The following GCC2 variants were observed in gnomAD, a reference collection of about 807,000 sequenced individuals.
GCC2 encodes GRIP and coiled-coil domain-containing protein 2.
A neutral mutation model predicts 210.6 loss-of-function variants in GCC2; 120 were observed. The ratio of observed to expected loss-of-function variants is 0.57; its 90% CI spans 0.49 to 0.66. GCC2 has a LOEUF of 0.66. Ranked by LOEUF, GCC2 falls within the 30% of genes least tolerant of loss-of-function variation. The probability of loss-of-function intolerance (pLI) is 0.00; values close to 1 mark genes in which losing one functional copy is unlikely to be tolerated. For missense variants in GCC2, 1,868 were observed against 1,871.9 expected, an observed-to-expected ratio of 1.00 and a Z score of 0.04; for synonymous variants, 703 against 652.7, an observed-to-expected ratio of 1.08 and a Z score of -1.17.
At chr2:108,492,141 GTTT>G (rs200630743) in intron 18 of GCC2, among the ~76,000 whole-genome samples, 1 of 140,092 alleles carries the variant, frequency 7.1e-6, no homozygotes, top group Non-Finnish European at 1.6e-5. Flanking sequence ...AGAGTGTGGG[GTTT>G]TTTTTTTTTT....
At chr2:108,452,492 A>G (rs773080869) in intron 4 of GCC2, 26 bp downstream of exon 4, 3 of 1,312,504 alleles carry the variant, frequency 2.3e-6, no homozygotes, top group South Asian at 1.2e-5. Flanking sequence ...GGAAATGTCT[A>G]AAGAGAAATA....
chr2:108,457,356 T>G (rs1680327774), intron 4 of GCC2, among the ~76,000 whole-genome samples: 1 of 152,206 alleles, frequency 6.6e-6, no homozygotes, highest in Non-Finnish European at 1.5e-5. Flanking sequence ...TATGCTTGTT[T>G]ATATACCAAT....
intron 21 of GCC2, among the ~76,000 whole-genome samples, chr2:108,498,310 C>T (rs1682751234): frequency 1.4e-5 from 2 of 146,736 alleles, no homozygotes; most frequent in Admixed American, 1.4e-4. Flanking sequence ...ATTCCCCTGC[C>T]TCAGCCTCCC....
At chr2:108,477,798 C>T (rs1460663845) in intron 9 of GCC2, among the ~76,000 whole-genome samples, 1 of 152,190 alleles carries the variant, frequency 6.6e-6, no homozygotes, top group Non-Finnish European at 1.5e-5. Flanking sequence ...GTAATTCTAG[C>T]ACTTTGGGAG....
chr2:108,509,119 GT>G lies in GCC2; in HGVS notation c.*1496del, dbSNP rs1375979398. On this transcript the variant is annotated 3_prime_UTR_variant, in exon 23 of 23. Coordinates refer to ENST00000309863, the MANE Select transcript of GCC2 (RefSeq NM_181453.4). ...TTTCAGAGCTGACATGAAGAGTTTA[GT>G]TTTTTTACTTTATAAACTGTGAATA... 1 of 152,588 alleles carries G rather than the reference GT, an allele frequency of 6.6e-6. No individual in the cohort carries two copies. The highest frequency in any genetic ancestry group is 1.5e-5 in the Non-Finnish European group (1 of 68,024). 9.5% of individuals were successfully genotyped at this position (152,588 alleles called of 1,614,324 possible).
chr2:108,492,561 C>T lies in GCC2; in HGVS notation c.4230-12C>T, dbSNP rs1412291195. ...TGAAAGATCTTCTGTAACTAAGTTT[C>T]TCATCTTTCAGATTGTGTTCAATAC... On this transcript the variant is annotated splice_polypyrimidine_tract_variant and intron_variant, in intron 18 of 22. Coordinates refer to ENST00000309863, the MANE Select transcript of GCC2 (RefSeq NM_181453.4). 6.4e-7 allele frequency: 1 copy of T among 1,561,214 alleles called. No homozygotes were observed. Among genetic ancestry groups the T allele is most frequent in the South Asian group, 1.1e-5 (1 of 89,836 alleles).
At position 108,449,494 on chromosome 2, in the gene GCC2, G is replaced by A. The variant is rs376583415; in HGVS notation, c.7-139G>A. Reference sequence around the variant, plus strand: ...ACGAATTGCCACAGCGACCGCCTCCGTCCGCCCTCATTCTCTGTCTCACGA... The same window carrying A: ...ACGAATTGCCACAGCGACCGCCTCCATCCGCCCTCATTCTCTGTCTCACGA... On this transcript the variant is annotated intron_variant, in intron 1 of 22. Transcript: ENST00000309863. 5.0e-5 allele frequency: 60 copies of A among 1,188,750 alleles called. 2 individuals carry two copies. The highest frequency in any genetic ancestry group is 3.5e-4 in the East Asian group (14 of 40,418). 73.6% of individuals were successfully genotyped at this position (1,188,750 alleles called of 1,614,324 possible). A position where few individuals can be genotyped will look rare whatever the true frequency, so the allele number is the denominator to read the frequency against.
At chr2:108,494,055 A>C in intron 19 of GCC2, 1 of 557,148 alleles carries the variant, frequency 1.8e-6, no homozygotes, top group Non-Finnish European at 2.3e-6. Context: ...TCAATAAACC[A>C]ATACATGTCA....
chr2:108,505,546 G>A (rs1049036082), intron 22 of GCC2, among the ~76,000 whole-genome samples: 23 of 152,066 alleles, frequency 1.5e-4, no homozygotes, highest in African/African-American at 3.6e-4. Context: ...TCTTGCTAGC[G>A]GACTCTCTGT....
intron 4 of GCC2, among the ~76,000 whole-genome samples, chr2:108,459,175 TTG>T (rs1047170238): frequency 1.3e-5 from 2 of 152,192 alleles, no homozygotes; most frequent in Non-Finnish European, 2.9e-5. Context: ...TTTTGGTATG[TTG>T]TAGTTTCCAT....
intron 2 of GCC2, among the ~76,000 whole-genome samples, chr2:108,450,559 A>G (rs1679880382): frequency 1.3e-5 from 2 of 152,212 alleles, no homozygotes; most frequent in Non-Finnish European, 1.5e-5. Flanking sequence ...TTGCATAGCA[A>G]TTACAGAATT....
chr2:108,461,830 C>CTTTTTTTTTTTTTTTTTT (rs1313525353), intron 4 of GCC2, among the ~76,000 whole-genome samples: 5 of 124,072 alleles, frequency 4.0e-5, no homozygotes, highest in Non-Finnish European at 6.6e-5. Context: ...TTTTTTTTTT[C>CTTTTTTTTTTTTTTTTTT]TTTTTCTTTT....
rs762859026 is a variant in GCC2, at chr2:108,498,493, CA to C, written c.4783-1057del. On this transcript the variant is annotated intron_variant, in intron 21 of 22. Transcript: ENST00000309863. ...ACAGGCATGAGCCACCACGCCTGGCCAAATGTTATATTTTCATAAATTTATA... is the reference window on the plus strand; with the variant it reads ...ACAGGCATGAGCCACCACGCCTGGCCAATGTTATATTTTCATAAATTTATA... Among the ~76,000 whole-genome samples the C allele has an allele frequency of 1.4e-3, 220 of 152,122 alleles. No homozygotes were observed. The Middle Eastern group carries it at 0.031, about 21-fold the overall frequency.
Position 108,459,745 on chromosome 2 carries a change from C to CTTTTTTTTTT in GCC2, c.216+7303_216+7312dup, listed in dbSNP as rs34052393. The stretch of plus-strand genomic sequence containing the variant: ...GCCATTAGATAATGACCTTCTTTGT[C>CTTTTTTTTTT]TTTTTTTTTTTTTTTTTTTTTTTTT... On this transcript the variant is annotated intron_variant, in intron 4 of 22. Transcript: ENST00000309863. Among the ~76,000 whole-genome samples, 235 of 26,740 alleles carry CTTTTTTTTTT rather than the reference C, an allele frequency of 8.8e-3. 15 individuals are homozygous for CTTTTTTTTTT. The highest frequency in any genetic ancestry group is 9.0e-3 in the Admixed American group (12 of 1,338). 17.5% of individuals were successfully genotyped at this position (26,740 alleles called of 152,430 possible).
intron 4 of GCC2, among the ~76,000 whole-genome samples, chr2:108,457,037 G>C (rs945372675): frequency 6.6e-6 from 1 of 151,588 alleles, no homozygotes; most frequent in Non-Finnish European, 1.5e-5. Context: ...TGAGATCTTA[G>C]CCATAAAATC....
chr2:108,458,031 A>T (rs907499832), intron 4 of GCC2, among the ~76,000 whole-genome samples: 3 of 152,026 alleles, frequency 2.0e-5, no homozygotes, highest in Non-Finnish European at 4.4e-5. Flanking sequence ...GCTTTTCCCC[A>T]TTTTTGTGTG....
In GCC2 at chr2:108,492,298, AAAG is replaced by A. The variant is rs200663797; in HGVS notation, c.4230-271_4230-269del. Among the ~76,000 whole-genome samples the A allele has an allele frequency of 9.3e-3, 1,417 of 152,332 alleles. 20 individuals are homozygous for A. Among genetic ancestry groups the A allele is most frequent in the African/African-American group, 0.032 (1,328 of 41,576 alleles). ...TAATCCTATTTTCTGATGAACCATG[AAAG>A]AAGTTCCTAGTCTGGACAACACAAC... On this transcript the variant is annotated intron_variant, in intron 18 of 22. Transcript: ENST00000309863.
At chr2:108,483,544 A>G (rs1025088480) in intron 12 of GCC2, among the ~76,000 whole-genome samples, 6 of 152,106 alleles carry the variant, frequency 3.9e-5, no homozygotes, top group South Asian at 2.1e-4. Flanking sequence ...AAACTATTCT[A>G]TACATGTTGA....
At chr2:108,488,420 G>A (rs1157748231) in intron 17 of GCC2, among the ~76,000 whole-genome samples, 1 of 151,970 alleles carries the variant, frequency 6.6e-6, no homozygotes, top group Non-Finnish European at 1.5e-5. Flanking sequence ...ATCTTGTCGT[G>A]GTAGAAATAC....
Sources: allele counts gnomAD v4.1 joint callset (sites outside exome capture counted in the v4.1 genomes callset), GRCh38; gene constraint gnomAD v4.1.1; transcripts MANE v1.5; gene names NCBI Gene and HGNC (gene_info 2026-07-23, HGNC 2026-07-21).